NCOA2: variants seen among roughly 807,000 people sequenced by gnomAD.
NCOA2 encodes class E basic helix-loop-helix protein 75.
In NCOA2, 21 loss-of-function variants were observed where a neutral mutation model predicts 145.1. That is an observed-to-expected ratio of 0.14 (90% CI 0.10 to 0.21). The LOEUF is 0.21. Ranked by LOEUF, NCOA2 falls within the 10% of genes least tolerant of loss-of-function variation. The pLI is 1.00. For missense variants in NCOA2, 1,472 were observed against 1,837.6 expected, an observed-to-expected ratio of 0.80 and a Z score of 3.64; for synonymous variants, 619 against 637.5, an observed-to-expected ratio of 0.97 and a Z score of 0.44.
At chr8:70,116,654 GCA>G (rs1489141697) in intron 22 of NCOA2, among the ~76,000 whole-genome samples, 1 of 152,222 alleles carries the variant, frequency 6.6e-6, no homozygotes, top group Non-Finnish European at 1.5e-5. Context: ...CACATAAGTA[GCA>G]CAGTGACAAA....
At chr8:70,335,638 T>A (rs1472152132) in intron 1 of NCOA2, among the ~76,000 whole-genome samples, 2 of 152,220 alleles carry the variant, frequency 1.3e-5, no homozygotes, top group Non-Finnish European at 2.9e-5. Flanking sequence ...CACTCTTCTA[T>A]CTTATTTCTA....
chr8:70,329,971 T>G (rs762104283), intron 1 of NCOA2, among the ~76,000 whole-genome samples: 39 of 152,136 alleles, frequency 2.6e-4, no homozygotes, highest in Admixed American at 5.9e-4. Context: ...GAGGGAACCT[T>G]CTGGAGTGAT....
At chr8:70,210,963 T>G (rs181302286) in intron 4 of NCOA2, among the ~76,000 whole-genome samples, 5 of 152,294 alleles carry the variant, frequency 3.3e-5, no homozygotes, top group African/African-American at 1.2e-4. Flanking sequence ...AAGATGGTAG[T>G]TGGATTTTAT....
At chr8:70,209,642 C>CA (rs1818810711) in intron 4 of NCOA2, among the ~76,000 whole-genome samples, 6 of 152,190 alleles carry the variant, frequency 3.9e-5, no homozygotes, top group African/African-American at 1.4e-4. Flanking sequence ...CTCCCACCAG[C>CA]AAAGAGATTA....
chr8:70,455,663 C>T, the NCOA2 span, among the ~76,000 whole-genome samples: 2 of 150,650 alleles, frequency 1.3e-5, no homozygotes, highest in African/African-American at 2.4e-5. Flanking sequence ...TCACCCAACG[C>T]GAGTCCTTCA....
At chr8:70,115,589 CCAT>C (rs1222690435) in intron 22 of NCOA2, among the ~76,000 whole-genome samples, 2 of 152,184 alleles carry the variant, frequency 1.3e-5, no homozygotes, top group Non-Finnish European at 2.9e-5. Flanking sequence ...ACCACTATCA[CCAT>C]CATCATCAAC....
chr8:70,351,007 A>G (rs2130814817), intron 1 of NCOA2, among the ~76,000 whole-genome samples: 1 of 152,328 alleles, frequency 6.6e-6, no homozygotes, highest in Middle Eastern at 3.4e-3. Flanking sequence ...AGCAGGTGGA[A>G]GGACAAGAGA....
At chr8:70,387,773 T>C (rs989420621) in intron 1 of NCOA2, among the ~76,000 whole-genome samples, 4 of 152,042 alleles carry the variant, frequency 2.6e-5, no homozygotes, top group Non-Finnish European at 5.9e-5. Flanking sequence ...TGAGGTTAAG[T>C]CATAAAGGGA....
intron 2 of NCOA2, among the ~76,000 whole-genome samples, chr8:70,290,821 C>T (rs368472001): frequency 3.6e-5 from 5 of 140,326 alleles, no homozygotes; most frequent in African/African-American, 1.6e-4. Context: ...AAAAAAAAAA[C>T]AAAACTATAA....
At chr8:70,432,906 T>G in the NCOA2 span, among the ~76,000 whole-genome samples, 11 of 152,352 alleles carry the variant, frequency 7.2e-5, no homozygotes, top group Non-Finnish European at 1.6e-4. Context: ...ATCTATTTCT[T>G]TCAGTGATTT....
At chr8:70,138,938 A>G (rs1810059391) in intron 14 of NCOA2, among the ~76,000 whole-genome samples, 1 of 152,260 alleles carries the variant, frequency 6.6e-6, no homozygotes, top group African/African-American at 2.4e-5. Context: ...AGAAGCCAAC[A>G]GTGTTTTAGG....
At chr8:70,287,155 G>C (rs906026030) in intron 2 of NCOA2, among the ~76,000 whole-genome samples, 5 of 152,060 alleles carry the variant, frequency 3.3e-5, no homozygotes, top group Non-Finnish European at 7.4e-5. Flanking sequence ...GAGGCAGGAG[G>C]ATCAATCTAG....
chr8:70,386,323 G>A (rs1275412367), intron 1 of NCOA2, among the ~76,000 whole-genome samples: 1 of 152,174 alleles, frequency 6.6e-6, no homozygotes, highest in African/African-American at 2.4e-5. Context: ...TCTTGGATGA[G>A]AGACTTGTTC....
At chr8:70,307,697 T>C (rs1267942363) in intron 1 of NCOA2, among the ~76,000 whole-genome samples, 2 of 152,226 alleles carry the variant, frequency 1.3e-5, no homozygotes, top group Non-Finnish European at 2.9e-5. Context: ...AGAAAATTCA[T>C]GTGGAGTATT....
chr8:70,391,413 T>C (rs1007789687), intron 1 of NCOA2, among the ~76,000 whole-genome samples: 1 of 152,204 alleles, frequency 6.6e-6, no homozygotes, highest in Non-Finnish European at 1.5e-5. Flanking sequence ...CATGGTCAGA[T>C]ACTACCTCTT....
chr8:70,151,891 A>ATT (rs370792290), intron 11 of NCOA2, among the ~76,000 whole-genome samples: 4 of 149,304 alleles, frequency 2.7e-5, no homozygotes, highest in Admixed American at 2.7e-4. Context: ...TGACTACAGA[A>ATT]TTTTTTTTTT....
Position 70,237,426 on chromosome 8 carries a change from C to CT in NCOA2, c.-19-20663dup, listed in dbSNP as rs59737946. 1.4e-3 allele frequency among the ~76,000 whole-genome samples: 200 copies of CT among 142,386 alleles called. 1 individual carries two copies. Among genetic ancestry groups the CT allele is most frequent in the African/African-American group, 3.1e-3 (121 of 39,076 alleles). The allele number at this position is 142,386 out of a possible 152,430, so 93.4% of individuals were successfully genotyped here. A position where few individuals can be genotyped will look rare whatever the true frequency, so the allele number is the denominator to read the frequency against. On this transcript the variant is annotated intron_variant, in intron 2 of 22. Coordinates refer to ENST00000452400, the MANE Select transcript of NCOA2 (RefSeq NM_006540.4). ...GTAAATAATTCCATCCAGTATTTTC[C>CT]TTTTTTTTTTTTTTTTAAGTATAAA...
At chr8:70,381,818 C>T (rs1210260319) in intron 1 of NCOA2, among the ~76,000 whole-genome samples, 1 of 152,124 alleles carries the variant, frequency 6.6e-6, no homozygotes, top group African/African-American at 2.4e-5. Context: ...GGGTGGCTTA[C>T]CCATGTGCTC....
chr8:70,126,880 T>C lies in NCOA2; in HGVS notation c.3849A>G (p.Pro1283=), dbSNP rs369988320. ...TPSMVAPSGM[P]ATMSNPRIPQ... is the part of the protein sequence containing the mutation. Reference sequence around the variant, plus strand: ...GAATCCGAGGGTTGCTCATAGTTGCTGGCATACCACTAGGAGCCACCATGC... The same window carrying C: ...GAATCCGAGGGTTGCTCATAGTTGCCGGCATACCACTAGGAGCCACCATGC... Residue 1283 remains proline (P), a synonymous_variant, in exon 19 of 23, where the codon CCA becomes CCG. Transcript: ENST00000452400. 1 of 1,614,022 alleles carries C rather than the reference T, an allele frequency of 6.2e-7. No individual in the cohort carries two copies. The highest frequency in any genetic ancestry group is 8.5e-7 in the Non-Finnish European group (1 of 1,179,888).
Sources: allele counts gnomAD v4.1 joint callset (sites outside exome capture counted in the v4.1 genomes callset), GRCh38; gene constraint gnomAD v4.1.1; transcripts MANE v1.5; gene names NCBI Gene and HGNC (gene_info 2026-07-23, HGNC 2026-07-21).